The following HSF2BP variants were observed in gnomAD, a reference collection of about 807,000 sequenced individuals.
The protein encoded by HSF2BP is heat shock transcription factor 2 binding protein.
In HSF2BP, 35 loss-of-function variants were observed where a neutral mutation model predicts 35.0. That is an observed-to-expected ratio of 1.00 (90% CI 0.76 to 1.32). The LOEUF (loss-of-function observed/expected upper bound fraction) is 1.32, where lower values mean the gene tolerates loss of function less well. HSF2BP is among the 40% of genes most tolerant of loss of function. HSF2BP has a pLI of 0.00. For synonymous variants in HSF2BP, 114 were observed against 117.4 expected, an observed-to-expected ratio of 0.97 and a Z score of 0.18; for missense variants, 326 against 321.7, an observed-to-expected ratio of 1.01 and a Z score of -0.10.
At chr21:43,636,329 C>T (rs1407350999) in intron 4 of HSF2BP, among the ~76,000 whole-genome samples, 2 of 151,708 alleles carry the variant, frequency 1.3e-5, no homozygotes, top group South Asian at 2.1e-4. Context: ...TCAAAAAAAT[C>T]GTTATGACCA....
rs1286182690 is a variant in HSF2BP, at chr21:43,597,950, T to A, written c.693-5622A>T. Among the ~76,000 whole-genome samples, 1 of 152,238 alleles carries A rather than the reference T, an allele frequency of 6.6e-6. No homozygotes were observed. The highest frequency in any genetic ancestry group is 1.5e-5 in the Non-Finnish European group (1 of 68,038). On this transcript the variant is annotated intron_variant, in intron 7 of 8. Transcript: ENST00000291560. This position sits in a 1 kb window ranked among gnomAD's most constrained non-coding sequence, Gnocchi z 4.3. Reference sequence around the variant, plus strand: ...TGGTACATGTAACACATGCATGCCATAGAAAATTTCTATTGTAGTTCTCTA... The same window carrying A: ...TGGTACATGTAACACATGCATGCCAAAGAAAATTTCTATTGTAGTTCTCTA...
chr21:43,589,539 G>A (rs534706887), intron 8 of HSF2BP, among the ~76,000 whole-genome samples: 1 of 152,236 alleles, frequency 6.6e-6, no homozygotes, highest in Non-Finnish European at 1.5e-5. Flanking sequence ...AAGGCAAAGG[G>A]CTTAAAAATA....
chr21:43,657,724 G>A (rs1169916776), intron 2 of HSF2BP: 9 of 566,816 alleles, frequency 1.6e-5, no homozygotes, highest in Non-Finnish European at 2.0e-5. Flanking sequence ...CCCGAAGCAG[G>A]GGGCCAGGGC....
chr21:43,606,796 G>A (rs2082140495), intron 7 of HSF2BP, among the ~76,000 whole-genome samples: 1 of 152,198 alleles, frequency 6.6e-6, no homozygotes, highest in South Asian at 2.1e-4. Context: ...GAGAAAGGCT[G>A]GATGTGAAGA....
At chr21:43,629,124 G>GA (rs1452961069) in intron 6 of HSF2BP, among the ~76,000 whole-genome samples, 5 of 152,140 alleles carry the variant, frequency 3.3e-5, no homozygotes, top group Non-Finnish European at 5.9e-5. Context: ...ATATCAAAAA[G>GA]AAATTTCAAC....
rs576467633 is a variant in HSF2BP, at chr21:43,577,627, C to T, written c.796+14598G>A. ...TCCCTTGGATCTGGATGTAGCTACT[C>T]AGGTCATGTGCCCACCTCTGGACTG... is the stretch of plus-strand genomic sequence containing the variant. On this transcript the variant is annotated intron_variant, in intron 8 of 8. Coordinates refer to ENST00000291560, the MANE Select transcript of HSF2BP (RefSeq NM_007031.2). 2.0e-5 allele frequency among the ~76,000 whole-genome samples: 3 copies of T among 152,314 alleles called. No homozygotes were observed. In the East Asian group the frequency reaches 5.8e-4, roughly 29 times the overall value.
intron 4 of HSF2BP, among the ~76,000 whole-genome samples, chr21:43,636,894 CAAAAAAAA>C (rs34578952): frequency 1.2e-4 from 13 of 112,060 alleles, no homozygotes; most frequent in South Asian, 1.1e-3. Context: ...CGTCTCAAAA[CAAAAAAAA>C]AAAAAAAAAA....
intron 3 of HSF2BP, among the ~76,000 whole-genome samples, chr21:43,652,184 C>T (rs1345162180): frequency 6.6e-6 from 1 of 152,146 alleles, no homozygotes; most frequent in Non-Finnish European, 1.5e-5. Context: ...GGGCAGATCA[C>T]TTGAGGTCAG....
At chr21:43,592,117 C>A (rs2081932946) in intron 8 of HSF2BP, 108 bp downstream of exon 8, 3 of 689,114 alleles carry the variant, frequency 4.4e-6, no homozygotes, top group African/African-American at 3.6e-5. Flanking sequence ...TTGGTGCTAT[C>A]TCTGGTTTCA....
chr21:43,573,491 C>A (rs886553651), intron 8 of HSF2BP, among the ~76,000 whole-genome samples: 2 of 152,318 alleles, frequency 1.3e-5, no homozygotes, highest in South Asian at 2.1e-4. Context: ...TATGAAGAGT[C>A]CTGAATTACC....
chr21:43,653,189 A>AGGAAGGGAAGGGGAAG (rs536898246), intron 3 of HSF2BP, among the ~76,000 whole-genome samples: 17 of 94,384 alleles, frequency 1.8e-4, no homozygotes, highest in Non-Finnish European at 2.9e-4. Flanking sequence ...GAAAAGGGAA[A>AGGAAGGGAAGGGGAAG]GGAAGGGAAG....
intron 7 of HSF2BP, among the ~76,000 whole-genome samples, chr21:43,608,346 A>AAATG (rs879473848): frequency 4.8e-4 from 73 of 152,212 alleles, no homozygotes; most frequent in Non-Finnish European, 9.3e-4. Context: ...AAACATGAAA[A>AAATG]AATGCCCAAC....
chr21:43,629,106 C>T (rs1011697649), intron 6 of HSF2BP, among the ~76,000 whole-genome samples: 1 of 152,184 alleles, frequency 6.6e-6, no homozygotes, highest in Admixed American at 6.5e-5. Flanking sequence ...ACCTATTCTT[C>T]AGCTCATATA....
intron 8 of HSF2BP, among the ~76,000 whole-genome samples, chr21:43,582,479 G>GGGCCTGCTGAGGGAGATGAA: frequency 7.2e-6 from 1 of 138,546 alleles, no homozygotes; most frequent in Non-Finnish European, 1.6e-5. Flanking sequence ...GGGAGATGAA[G>GGGCCTGCTGAGGGAGATGAA]GGCCTGCTGA....
chr21:43,632,118 C>T (rs2082475645), intron 5 of HSF2BP, among the ~76,000 whole-genome samples: 2 of 66,254 alleles, frequency 3.0e-5, no homozygotes, highest in Admixed American at 1.9e-4. Flanking sequence ...CACACACGCT[C>T]CCCCAAACAC....
chr21:43,618,137 C>G (rs767622574), intron 6 of HSF2BP, among the ~76,000 whole-genome samples: 66 of 151,172 alleles, frequency 4.4e-4, no homozygotes, highest in Admixed American at 1.4e-3. Flanking sequence ...GTGGCTCATG[C>G]CTATAGTCCC....
chr21:43,657,219 A>G (rs2147139893), intron 2 of HSF2BP, among the ~76,000 whole-genome samples: 1 of 152,204 alleles, frequency 6.6e-6, no homozygotes, highest in Admixed American at 6.5e-5. Flanking sequence ...AAAATACAAA[A>G]ATTAGCCAGG....
intron 8 of HSF2BP, among the ~76,000 whole-genome samples, chr21:43,588,806 A>C (rs2081890327): frequency 6.6e-6 from 1 of 152,170 alleles, no homozygotes; most frequent in South Asian, 2.1e-4. Flanking sequence ...AGGTCTAGGA[A>C]CCACCTCTGA....
intron 4 of HSF2BP, among the ~76,000 whole-genome samples, chr21:43,642,574 T>C (rs1237633498): frequency 6.6e-6 from 1 of 152,134 alleles, no homozygotes; most frequent in African/African-American, 2.4e-5. Context: ...TGCATTCACC[T>C]TGCAGGGGCT....
Sources: allele counts gnomAD v4.1 joint callset (sites outside exome capture counted in the v4.1 genomes callset), GRCh38; gene constraint gnomAD v4.1.1; non-coding constraint Gnocchi (gnomAD v3.1); transcripts MANE v1.5; gene names NCBI Gene and HGNC (gene_info 2026-07-23, HGNC 2026-07-21).